FRMD4A: variants seen among roughly 807,000 people sequenced by gnomAD.
FRMD4A encodes FERM domain containing 4A.
Under a neutral mutation model 129.1 loss-of-function variants are expected in FRMD4A, and 29 were observed. The observed-to-expected ratio is 0.22, with a 90% CI of 0.17 to 0.31. The LOEUF is 0.31. FRMD4A is among the 10% of genes least tolerant of loss of function. The pLI is 1.00. For synonymous variants in FRMD4A, 634 were observed against 571.6 expected, an observed-to-expected ratio of 1.11 and a Z score of -1.56; for missense variants, 1,272 against 1,375.8, an observed-to-expected ratio of 0.92 and a Z score of 1.19.
At chr10:14,211,187 A>T (rs1181042794) in intron 2 of FRMD4A, among the ~76,000 whole-genome samples, 3 of 152,232 alleles carry the variant, frequency 2.0e-5, no homozygotes, top group Non-Finnish European at 4.4e-5. Context: ...CAACATTATT[A>T]GCTAATTTTT....
chr10:13,826,472 T>C (rs1042662600), intron 3 of FRMD4A, among the ~76,000 whole-genome samples: 1 of 152,162 alleles, frequency 6.6e-6, no homozygotes, highest in African/African-American at 2.4e-5. Context: ...TGTCTCTGCC[T>C]ATTGGTTCTT....
intron 2 of FRMD4A, among the ~76,000 whole-genome samples, chr10:13,905,690 A>G (rs2094874698): frequency 6.6e-6 from 1 of 152,176 alleles, no homozygotes; most frequent in African/African-American, 2.4e-5. Context: ...TTTCCATTGT[A>G]TAGATTCGGA....
At chr10:13,891,837 A>G (rs1337742531) in intron 2 of FRMD4A, 1 of 719,498 alleles carries the variant, frequency 1.4e-6, no homozygotes, top group Non-Finnish European at 1.7e-6. Flanking sequence ...TCTCGCGCCG[A>G]GCCTGGCCCG....
chr10:14,041,853 A>G (rs980332219), intron 2 of FRMD4A, among the ~76,000 whole-genome samples: 4 of 152,234 alleles, frequency 2.6e-5, no homozygotes, highest in Non-Finnish European at 5.9e-5. Flanking sequence ...ATAAGGTTCA[A>G]AAACAGAGAA....
At chr10:14,328,352 C>CTGTG (rs1368391804) in intron 2 of FRMD4A, among the ~76,000 whole-genome samples, 2 of 78,866 alleles carry the variant, frequency 2.5e-5, no homozygotes, top group African/African-American at 5.6e-5. Context: ...CCAGAAGAGC[C>CTGTG]TGTGTGTGTG....
chr10:14,137,122 T>C (rs377557293), intron 2 of FRMD4A, among the ~76,000 whole-genome samples: 129 of 152,382 alleles, frequency 8.5e-4, no homozygotes, highest in African/African-American at 3.1e-3. Flanking sequence ...CCAGCAGACA[T>C]GAGCAAATGT....
At chr10:14,087,218 T>C (rs1487970272) in intron 2 of FRMD4A, among the ~76,000 whole-genome samples, 1 of 147,764 alleles carries the variant, frequency 6.8e-6, no homozygotes, top group Non-Finnish European at 1.5e-5. Flanking sequence ...TATAGGATTA[T>C]AAATTATATA....
At chr10:14,055,153 T>C (rs11258840) in intron 2 of FRMD4A, among the ~76,000 whole-genome samples, 71,575 of 151,806 alleles carry the variant, frequency 0.47, 17,636 homozygotes, top group Non-Finnish European at 0.56. Flanking sequence ...CAGGTCTATA[T>C]ACTCTGGACC....
chr10:14,151,077 A>G (rs1840315616), intron 2 of FRMD4A, among the ~76,000 whole-genome samples: 1 of 152,230 alleles, frequency 6.6e-6, no homozygotes, highest in Non-Finnish European at 1.5e-5. Context: ...TCCAAAAGGA[A>G]GTTGCAGTAG....
chr10:13,948,731 A>T (rs1404958705), intron 2 of FRMD4A, among the ~76,000 whole-genome samples: 2 of 148,816 alleles, frequency 1.3e-5, no homozygotes, highest in African/African-American at 5.0e-5. Flanking sequence ...GGCTCACTGC[A>T]ACCTCCGCCT....
At chr10:13,794,792 G>C (rs1410281160) in intron 5 of FRMD4A, among the ~76,000 whole-genome samples, 2 of 152,190 alleles carry the variant, frequency 1.3e-5, no homozygotes, top group African/African-American at 4.8e-5. Context: ...CGTCTATTAT[G>C]GCTACGGATC....
chr10:13,913,727 G>A (rs1187529021), intron 2 of FRMD4A, among the ~76,000 whole-genome samples: 5 of 152,002 alleles, frequency 3.3e-5, no homozygotes, highest in Admixed American at 6.6e-5. Context: ...CTTAGTAAAT[G>A]GGGTATCCTT....
chr10:13,997,466 T>TG (rs1407932515), intron 2 of FRMD4A, among the ~76,000 whole-genome samples: 1 of 152,172 alleles, frequency 6.6e-6, no homozygotes, highest in African/African-American at 2.4e-5. Context: ...CCACTGTGCC[T>TG]GTTTTTCTGG....
At chr10:14,061,880 G>A (rs1467513520) in intron 2 of FRMD4A, among the ~76,000 whole-genome samples, 6 of 152,194 alleles carry the variant, frequency 3.9e-5, no homozygotes, top group Non-Finnish European at 8.8e-5. Context: ...TTACTGAGTT[G>A]CTGACTTAGG....
At chr10:14,028,476 A>C (rs554781185) in intron 2 of FRMD4A, among the ~76,000 whole-genome samples, 2 of 152,300 alleles carry the variant, frequency 1.3e-5, no homozygotes, top group African/African-American at 4.8e-5. Context: ...TGCCCTACCT[A>C]AGAAACATTA....
At chr10:13,715,534 T>G (rs1309350331) in intron 12 of FRMD4A, among the ~76,000 whole-genome samples, 1 of 152,202 alleles carries the variant, frequency 6.6e-6, no homozygotes, top group East Asian at 1.9e-4. Context: ...AATAGCACTT[T>G]TCTCATAGGG....
chr10:14,174,927 G>C (rs114898317), intron 2 of FRMD4A, among the ~76,000 whole-genome samples: 1,763 of 149,230 alleles, frequency 0.012, 33 homozygotes, highest in African/African-American at 0.041. Flanking sequence ...GTGGACGCGC[G>C]CGTACGGGCA....
chr10:14,322,545 A>C (rs992361106), intron 2 of FRMD4A, among the ~76,000 whole-genome samples: 2 of 152,230 alleles, frequency 1.3e-5, no homozygotes, highest in African/African-American at 4.8e-5. Context: ...ATGGGTGTGC[A>C]TGATGTACTT....
chr10:13,696,725 C>A (rs1225177366), intron 14 of FRMD4A, among the ~76,000 whole-genome samples: 1 of 145,480 alleles, frequency 6.9e-6, no homozygotes, highest in Non-Finnish European at 1.5e-5. Flanking sequence ...TCATTCCAGG[C>A]TGGGTGCTAG....
Sources: gnomAD v4.1 joint callset for allele counts (sites outside exome capture counted in the v4.1 genomes callset) on GRCh38, gnomAD v4.1.1 for gene constraint, MANE v1.5 for transcripts, NCBI Gene and HGNC (gene_info 2026-07-23, HGNC 2026-07-21) for gene names.